TRIM42: variants seen among roughly 807,000 people sequenced by gnomAD.
The protein encoded by TRIM42 is tripartite motif-containing protein 42.
A neutral mutation model predicts 64.9 loss-of-function variants in TRIM42; 59 were observed. The observed-to-expected ratio is 0.91, with a 90% confidence interval of 0.74 to 1.13. The LOEUF is 1.13. Among genes scored for constraint, TRIM42 ranks in the 50% most tolerant of loss-of-function variants. The pLI is 0.00. For synonymous variants in TRIM42, 354 were observed against 346.3 expected (o/e 1.02, Z -0.25); for missense variants, 878 against 929.5 (o/e 0.94, Z 0.72).
chr3:140,687,624 C>A (rs1411198896), intron 2 of TRIM42, 98 bp from the exon 3 acceptor site: 8 of 883,308 alleles, frequency 9.1e-6, no homozygotes, highest in Non-Finnish European at 1.4e-5. Flanking sequence ...TCTTCATTCA[C>A]CTCCTTGGAG....
chr3:140,699,748 T>C (rs1457181044), intron 4 of TRIM42, among the ~76,000 whole-genome samples: 1 of 152,248 alleles, frequency 6.6e-6, no homozygotes, highest in African/African-American at 2.4e-5. Flanking sequence ...TTATCAGGGT[T>C]ATCTCTATGC....
At chr3:140,682,423 G>C in intron 1 of TRIM42, 39 bp from the exon 2 acceptor site, 1 of 1,579,748 alleles carries the variant, frequency 6.3e-7, no homozygotes, top group African/African-American at 1.3e-5. Flanking sequence ...AAGCTCTTGA[G>C]CCTGCCTCCT....
rs572145284 is a variant in TRIM42 at position 140,679,060 on chromosome 3, C to T, written c.341+490C>T. Among the ~76,000 whole-genome samples the T allele has an allele frequency of 9.2e-5, 14 of 151,850 alleles. 1 individual carries two copies. The East Asian group carries it at 2.7e-3, about 30-fold the overall frequency. On this transcript the variant is annotated intron_variant, in intron 1 of 4. Coordinates refer to ENST00000286349, the MANE Select transcript of TRIM42 (RefSeq NM_152616.5). ...ATTGCAAAACGGAGACAATACCCCC[C>T]CCATGATATTGTAGATATAAGGATT... is the stretch of plus-strand genomic sequence containing the variant.
chr3:140,682,413 A>T (rs1169585600), intron 1 of TRIM42, 49 bp from the exon 2 acceptor site: 1 of 1,554,244 alleles, frequency 6.4e-7, no homozygotes. Context: ...GAAGCAGAGC[A>T]AGCTCTTGAG....
In TRIM42 at chr3:140,682,598, C is replaced by T. The variant is rs114082086; in HGVS notation, c.478C>T (p.Pro160Ser). The T allele has an allele frequency of 1.9e-3, 3,065 of 1,614,232 alleles. 5 individuals are homozygous for T. Among genetic ancestry groups the T allele is most frequent in the Non-Finnish European group, 2.5e-3 (2,947 of 1,180,048 alleles). ...SRLRLHSFMLPCNHSLCEKCL... is the reference protein window; with the variant it reads ...SRLRLHSFMLSCNHSLCEKCL... ...GCTGCGCCTGCACTCATTCATGCTG[C>T]CCTGCAACCACAGCCTGTGCGAGAA... is the stretch of plus-strand genomic sequence containing the variant. Residue 160 changes from proline to serine, a missense_variant, in exon 2 of 5, where the codon CCC becomes TCC. Transcript: ENST00000286349.
intron 1 of TRIM42, among the ~76,000 whole-genome samples, chr3:140,680,421 C>T (rs1988347582): frequency 6.6e-6 from 1 of 152,102 alleles, no homozygotes; most frequent in Non-Finnish European, 1.5e-5. Flanking sequence ...GCTCCCTAGG[C>T]CATTAATACC....
At chr3:140,697,776 T>C (rs534009070) in intron 4 of TRIM42, among the ~76,000 whole-genome samples, 3 of 152,230 alleles carry the variant, frequency 2.0e-5, no homozygotes, top group East Asian at 1.9e-4. Context: ...CTCCGCCTCC[T>C]GGGTTCACGC....
chr3:140,683,146 C>T lies in TRIM42; in HGVS notation c.1026C>T (p.Ala342=). 1 of 1,614,136 alleles carries T rather than the reference C, an allele frequency of 6.2e-7. No individual in the cohort carries two copies. Among genetic ancestry groups the T allele is most frequent in the Non-Finnish European group, 8.5e-7 (1 of 1,179,964 alleles). The part of the protein sequence containing the change: ...ERAASLFSAI[A]KFKAVRYEID... ...CCGCCTCACTCTTCAGCGCCATCGCCAAGTTCAAAGCAGGTCCTCCCCTTT... is the reference window on the plus strand; with the variant it reads ...CCGCCTCACTCTTCAGCGCCATCGCTAAGTTCAAAGCAGGTCCTCCCCTTT... Residue 342 remains alanine (A), a synonymous_variant, in exon 2 of 5, where the codon GCC becomes GCT. Transcript: ENST00000286349.
intron 2 of TRIM42, among the ~76,000 whole-genome samples, chr3:140,684,271 A>C (rs1988493626): frequency 6.6e-6 from 1 of 152,240 alleles, no homozygotes; most frequent in African/African-American, 2.4e-5. Flanking sequence ...CCTATCATTA[A>C]TTCCACAATA....
chr3:140,695,838 AC>A (rs1220008498), intron 4 of TRIM42, among the ~76,000 whole-genome samples: 2 of 151,840 alleles, frequency 1.3e-5, no homozygotes, highest in African/African-American at 4.8e-5. Context: ...CAAAATAACT[AC>A]CCCAAGCCTA....
chr3:140,697,543 G>T (rs1988882881), intron 4 of TRIM42, among the ~76,000 whole-genome samples: 1 of 152,132 alleles, frequency 6.6e-6, no homozygotes, highest in East Asian at 1.9e-4. Context: ...TATGTACTCT[G>T]CCTATGTAGT....
At chr3:140,699,028 T>TTACTTC (rs56034178) in intron 4 of TRIM42, among the ~76,000 whole-genome samples, 88,982 of 151,094 alleles carry the variant, frequency 0.59, 27,647 homozygotes, top group Non-Finnish European at 0.7. Flanking sequence ...TTAAGGAAAA[T>TTACTTC]TACTTCTAGG....
intron 4 of TRIM42, 101 bp downstream of exon 4, chr3:140,691,293 A>G (rs144775761): frequency 0.035 from 35,067 of 990,122 alleles, 770 homozygotes; most frequent in Non-Finnish European, 0.044. Flanking sequence ...TCACTATGGG[A>G]CTCTTCCTCT....
chr3:140,700,840 G>A (rs1251117476), intron 4 of TRIM42, 48 bp from the exon 5 acceptor site: 1 of 1,566,008 alleles, frequency 6.4e-7, no homozygotes, highest in East Asian at 2.2e-5. Flanking sequence ...CCAGGCTACT[G>A]GGAGCTGTTG....
At chr3:140,687,463 T>C (rs9815853) in intron 2 of TRIM42, among the ~76,000 whole-genome samples, 73,165 of 151,992 alleles carry the variant, frequency 0.48, 18,573 homozygotes, top group Non-Finnish European at 0.57. Context: ...AGTCTCAGAC[T>C]CAAGGCCATA....
Position 140,687,865 on chromosome 3 carries a change from A to C in TRIM42, c.1183A>C (p.Met395Leu), listed in dbSNP as rs1380618403. 1 of 1,614,136 alleles carries C rather than the reference A, an allele frequency of 6.2e-7. No individual in the cohort carries two copies. Among genetic ancestry groups the C allele is most frequent in the Non-Finnish European group, 8.5e-7 (1 of 1,180,054 alleles). Residue 395 changes from methionine (M) to leucine (L), a missense_variant, in exon 3 of 5, where the codon ATG (methionine) becomes CTG (leucine). Transcript: ENST00000286349. ...SILQEKEKII[M>L]EQIENLEVSR... ...TCTTCAGGAGAAAGAGAAGATCATC[A>C]TGGAGCAGATAGAGAATCTAGAAGT...
At chr3:140,699,722 A>G (rs1430077089) in intron 4 of TRIM42, among the ~76,000 whole-genome samples, 1 of 152,204 alleles carries the variant, frequency 6.6e-6, no homozygotes, top group Non-Finnish European at 1.5e-5. Context: ...TATCTTGGAC[A>G]TTATTTATAC....
At position 140,696,520 on chromosome 3, in the gene TRIM42, G is replaced by A. The variant is rs75343802; in HGVS notation, c.2086-4368G>A. Among the ~76,000 whole-genome samples the A allele has an allele frequency of 7.8e-3, 1,184 of 152,296 alleles. 16 individuals carry two copies. Among genetic ancestry groups the A allele is most frequent in the African/African-American group, 0.026 (1,095 of 41,562 alleles). Reference sequence around the variant, plus strand: ...TTATGGACACCATAGGTGTGTAAGCGTTCTCTGGGTTATTGATTAGTTTGC... The same window carrying A: ...TTATGGACACCATAGGTGTGTAAGCATTCTCTGGGTTATTGATTAGTTTGC... On this transcript the variant is annotated intron_variant, in intron 4 of 4. Coordinates refer to ENST00000286349, the MANE Select transcript of TRIM42 (RefSeq NM_152616.5).
intron 2 of TRIM42, among the ~76,000 whole-genome samples, chr3:140,686,462 G>T (rs1472901589): frequency 3.3e-5 from 5 of 152,212 alleles, no homozygotes; most frequent in Non-Finnish European, 7.3e-5. Flanking sequence ...AGACAGGAAA[G>T]AATGGCTTTT....
Sources: gnomAD v4.1 joint callset for allele counts (sites outside exome capture counted in the v4.1 genomes callset) on GRCh38, gnomAD v4.1.1 for gene constraint, MANE v1.5 for transcripts, NCBI Gene and HGNC (gene_info 2026-07-23, HGNC 2026-07-21) for gene names.